Variants in CLSTN2 observed in about 807,000 individuals in gnomAD.
CLSTN2 encodes calsyntenin-2.
CLSTN2 carries 48 observed loss-of-function variants against 101.2 expected under a neutral mutation model. The ratio of observed to expected loss-of-function variants is 0.47; its 90% CI spans 0.38 to 0.60. CLSTN2 has a LOEUF of 0.60. Ranked by LOEUF, CLSTN2 falls within the 20% of genes least tolerant of loss-of-function variation. The pLI is 0.00. For synonymous variants in CLSTN2, 481 were observed against 463.6 expected, an observed-to-expected ratio of 1.04 and a Z score of -0.48; for missense variants, 1,160 against 1,238.2, an observed-to-expected ratio of 0.94 and a Z score of 0.95.
intron 1 of CLSTN2, among the ~76,000 whole-genome samples, chr3:140,030,628 G>A (rs2007527175): frequency 6.6e-6 from 1 of 152,190 alleles, no homozygotes. Context: ...CCAGGGTGGA[G>A]AGGACACAGG....
chr3:140,448,771 A>G (rs907478049), intron 6 of CLSTN2, 67 bp downstream of exon 6: 7 of 1,357,962 alleles, frequency 5.2e-6, no homozygotes, highest in Non-Finnish European at 7.3e-6. Context: ...AAAAAAGCAT[A>G]TCTTATTGTC....
intron 2 of CLSTN2, among the ~76,000 whole-genome samples, chr3:140,186,985 C>A (rs999827939): frequency 1.3e-5 from 2 of 152,096 alleles, no homozygotes; most frequent in East Asian, 3.9e-4. Context: ...GGCTTTTTTT[C>A]TAACTCTACC....
intron 6 of CLSTN2, among the ~76,000 whole-genome samples, chr3:140,457,289 C>T (rs1291835248): frequency 6.6e-6 from 1 of 152,206 alleles, no homozygotes; most frequent in Non-Finnish European, 1.5e-5. Context: ...TCTGGCCGTC[C>T]CAGGTTTCAG....
intron 1 of CLSTN2, among the ~76,000 whole-genome samples, chr3:140,125,434 C>T (rs996630753): frequency 6.6e-6 from 1 of 151,892 alleles, no homozygotes; most frequent in African/African-American, 2.4e-5. Flanking sequence ...GAGGTTTCTA[C>T]CAAGATAAAG....
intron 1 of CLSTN2, among the ~76,000 whole-genome samples, chr3:139,997,046 T>TC (rs2006682760): frequency 1.8e-5 from 1 of 56,174 alleles, no homozygotes; most frequent in African/African-American, 4.2e-5. Context: ...AGACTCTGTC[T>TC]CAAAAAAAAA....
chr3:140,105,004 C>A (rs2009031252), intron 1 of CLSTN2, among the ~76,000 whole-genome samples: 2 of 152,104 alleles, frequency 1.3e-5, no homozygotes. Flanking sequence ...AAAGGTAAAA[C>A]CTGAATTTAT....
rs987013070 is a variant in CLSTN2, at chr3:140,568,343, A to G, written c.*2090A>G. ...AATGAAGAGGAAGAGAAGTCACAAG[A>G]GAAGAAGGATGCGGTCACAAACTTA... is the stretch of plus-strand genomic sequence containing the variant. On this transcript the variant is annotated 3_prime_UTR_variant, in exon 17 of 17. Coordinates refer to ENST00000458420, the MANE Select transcript of CLSTN2 (RefSeq NM_022131.3). The G allele has an allele frequency of 1.3e-5, 2 of 152,222 alleles. No homozygotes were observed. Among genetic ancestry groups the G allele is most frequent in the African/African-American group, 2.4e-5 (1 of 41,442 alleles). The allele number at this position is 152,222 out of a possible 1,614,324, so 9.4% of individuals were successfully genotyped here.
intron 2 of CLSTN2, among the ~76,000 whole-genome samples, chr3:140,329,829 G>C (rs1286017928): frequency 1.3e-5 from 2 of 152,202 alleles, no homozygotes; most frequent in East Asian, 3.9e-4. Flanking sequence ...GAATAATGCA[G>C]CTTATATCAT....
In CLSTN2 at chr3:140,312,922, G is replaced by A. The variant is rs143189931; in HGVS notation, c.233-90707G>A. ...TGTTAGCTTGTCTGCAAAGGTCTTC[G>A]ACCGAATCCTGAACAATTTCTATTT... is the stretch of plus-strand genomic sequence containing the variant. On this transcript the variant is annotated intron_variant, in intron 2 of 16. Transcript: ENST00000458420. Among the ~76,000 whole-genome samples the A allele has an allele frequency of 2.4e-3, 366 of 152,294 alleles. 4 individuals carry two copies. In the East Asian group the frequency reaches 0.041, roughly 17 times the overall value.
chr3:140,011,280 C>T (rs1161984741), intron 1 of CLSTN2, among the ~76,000 whole-genome samples: 2 of 152,186 alleles, frequency 1.3e-5, no homozygotes, highest in Admixed American at 6.5e-5. Flanking sequence ...AGGCCTGTCA[C>T]ACCTCCTCTG....
intron 1 of CLSTN2, among the ~76,000 whole-genome samples, chr3:140,074,295 C>A (rs1183245241): frequency 6.6e-6 from 1 of 152,130 alleles, no homozygotes; most frequent in Non-Finnish European, 1.5e-5. Context: ...TTGCCTCCCC[C>A]CACCCCCCAA....
At chr3:140,081,105 A>G (rs575708313) in intron 1 of CLSTN2, among the ~76,000 whole-genome samples, 1 of 152,338 alleles carries the variant, frequency 6.6e-6, no homozygotes, top group Admixed American at 6.5e-5. Context: ...TGTTGATGAC[A>G]GAATGGAACA....
intron 1 of CLSTN2, among the ~76,000 whole-genome samples, chr3:140,097,209 A>G (rs916373568): frequency 2.0e-5 from 3 of 152,198 alleles, no homozygotes; most frequent in African/African-American, 7.2e-5. Context: ...CACTTTATAC[A>G]TGAAGATGCT....
intron 2 of CLSTN2, among the ~76,000 whole-genome samples, chr3:140,233,228 C>T (rs150368372): frequency 2.3e-3 from 356 of 152,240 alleles, no homozygotes; most frequent in African/African-American, 8.2e-3. Flanking sequence ...TGTTTCCTCC[C>T]GCCTCTAGCT....
At chr3:139,969,755 C>CA (rs1332818078) in intron 1 of CLSTN2, among the ~76,000 whole-genome samples, 5 of 152,122 alleles carry the variant, frequency 3.3e-5, no homozygotes, top group Non-Finnish European at 7.3e-5. Flanking sequence ...CCTGTGCCTC[C>CA]AGCCTCCTTT....
chr3:140,479,537 G>T (rs1228291707), intron 8 of CLSTN2, among the ~76,000 whole-genome samples: 1 of 152,170 alleles, frequency 6.6e-6, no homozygotes, highest in African/African-American at 2.4e-5. Flanking sequence ...GAACACAAAT[G>T]TTGGAATTAG....
intron 5 of CLSTN2, among the ~76,000 whole-genome samples, chr3:140,437,558 G>T (rs954283914): frequency 3.3e-5 from 5 of 152,192 alleles, no homozygotes; most frequent in African/African-American, 9.6e-5. Context: ...TGCCAACAAA[G>T]CACTCCATGT....
At chr3:140,377,182 T>C (rs1054143211) in intron 2 of CLSTN2, among the ~76,000 whole-genome samples, 5 of 152,192 alleles carry the variant, frequency 3.3e-5, no homozygotes, top group African/African-American at 4.8e-5. Flanking sequence ...GCTCATATCA[T>C]TGCACATTAC....
In CLSTN2 at chr3:140,556,636, C is replaced by T. The variant is rs371560079; in HGVS notation, c.1798C>T (p.Arg600Cys). The T allele has an allele frequency of 3.8e-5, 62 of 1,613,856 alleles. No individual in the cohort carries two copies. The highest frequency in any genetic ancestry group is 8.9e-5 in the East Asian group (4 of 44,868). The change falls in exon 11 of 17, where the codon CGC (arginine) becomes TGC (cysteine). Residue 600 changes from arginine to cysteine, a missense_variant. By Grantham distance (180) the Arg-to-Cys change is radical (BLOSUM62 -3). Transcript: ENST00000458420. ...GCAGTTCCCAACGGCGGGTGTGCGG[C>T]GCCTCAAAGTATCCTCCAAAGTCCA... ...SRQFPTAGVR[R>C]LKVSSKVQCF...
Sources: gnomAD v4.1 joint callset for allele counts (sites outside exome capture counted in the v4.1 genomes callset) on GRCh38, gnomAD v4.1.1 for gene constraint, MANE v1.5 for transcripts, NCBI Gene and HGNC (gene_info 2026-07-23, HGNC 2026-07-21) for gene names.